The following DGKI variants were observed in gnomAD, a reference collection of about 807,000 sequenced individuals.
The protein encoded by DGKI is DAG kinase iota.
Under a neutral mutation model 147.5 loss-of-function variants are expected in DGKI, and 55 were observed. That is an observed-to-expected ratio of 0.37 (90% CI 0.30 to 0.47). The LOEUF is 0.47. Among genes scored for constraint, DGKI ranks in the 20% least tolerant of loss-of-function variants. The probability of loss-of-function intolerance (pLI) is 1.00; values close to 1 mark genes in which losing one functional copy is unlikely to be tolerated. For synonymous variants in DGKI, 469 were observed against 477.1 expected, an observed-to-expected ratio of 0.98 and a Z score of 0.22; for missense variants, 1,007 against 1,323.8, an observed-to-expected ratio of 0.76 and a Z score of 3.71.
intron 1 of DGKI, among the ~76,000 whole-genome samples, chr7:137,815,872 G>C (rs1797722802): frequency 6.6e-6 from 1 of 152,082 alleles, no homozygotes; most frequent in Admixed American, 6.6e-5. Context: ...TTTTCATTAT[G>C]GGTACCCTTT....
At position 137,775,196 on chromosome 7, in the gene DGKI, G is replaced by A. The variant is rs561146423; in HGVS notation, c.401+71266C>T. ...TATTAGTTCTTCTCATATAAGTGGG[G>A]AAATCCAGTCCAAAGATTAAGTCAC... On this transcript the variant is annotated intron_variant, in intron 1 of 32. Transcript: ENST00000614521. Among the ~76,000 whole-genome samples the A allele has an allele frequency of 1.8e-4, 28 of 152,086 alleles. No individual in the cohort carries two copies. The East Asian group carries it at 4.8e-3, about 26-fold the overall frequency.
At chr7:137,520,352 A>G (rs1312900412) in intron 21 of DGKI, among the ~76,000 whole-genome samples, 1 of 152,112 alleles carries the variant, frequency 6.6e-6, no homozygotes, top group Non-Finnish European at 1.5e-5. Context: ...TATGATTAGT[A>G]ACCTTTAGAA....
intron 12 of DGKI, among the ~76,000 whole-genome samples, chr7:137,594,178 C>G (rs10081292): frequency 6.6e-6 from 1 of 152,100 alleles, no homozygotes; most frequent in African/African-American, 2.4e-5. Flanking sequence ...TCCCAAGTAG[C>G]TGGGATTACA....
chr7:137,798,811 A>T (rs1797110321), intron 1 of DGKI, among the ~76,000 whole-genome samples: 1 of 152,206 alleles, frequency 6.6e-6, no homozygotes, highest in Non-Finnish European at 1.5e-5. Flanking sequence ...ATGATCAAGG[A>T]GATTTTACCC....
chr7:137,424,613 T>C (rs1269825135), intron 28 of DGKI, among the ~76,000 whole-genome samples: 3 of 151,868 alleles, frequency 2.0e-5, no homozygotes, highest in Non-Finnish European at 4.4e-5. Context: ...GCACAAGGGG[T>C]CAGGGAGTTC....
chr7:137,611,179 G>A (rs1820350769), intron 8 of DGKI, among the ~76,000 whole-genome samples: 1 of 152,168 alleles, frequency 6.6e-6, no homozygotes, highest in African/African-American at 2.4e-5. Context: ...GGGAAGAAAA[G>A]TGATTTGGAA....
At chr7:137,781,037 T>C (rs553890731) in intron 1 of DGKI, among the ~76,000 whole-genome samples, 5 of 152,352 alleles carry the variant, frequency 3.3e-5, no homozygotes, top group South Asian at 2.1e-4. Context: ...ACATCTGACA[T>C]CAGACATGAT....
intron 28 of DGKI, among the ~76,000 whole-genome samples, chr7:137,441,059 A>C (rs1191498166): frequency 1.3e-5 from 2 of 152,196 alleles, no homozygotes; most frequent in Non-Finnish European, 2.9e-5. Flanking sequence ...CATCACAGAT[A>C]AACTTGTGCT....
At chr7:137,521,707 C>G (rs1282342363) in intron 21 of DGKI, among the ~76,000 whole-genome samples, 159 bp downstream of exon 21, 1 of 152,126 alleles carries the variant, frequency 6.6e-6, no homozygotes, top group Non-Finnish European at 1.5e-5. Flanking sequence ...GTAGCCCATA[C>G]ATTATCACTT....
chr7:137,781,533 T>C (rs1402887175), intron 1 of DGKI, among the ~76,000 whole-genome samples: 2 of 152,078 alleles, frequency 1.3e-5, no homozygotes, highest in African/African-American at 4.8e-5. Flanking sequence ...GAGGCTAGCC[T>C]AGAGAAGAAA....
At chr7:137,516,566 A>C (rs1309087856) in intron 21 of DGKI, among the ~76,000 whole-genome samples, 2 of 152,044 alleles carry the variant, frequency 1.3e-5, no homozygotes, top group Non-Finnish European at 2.9e-5. Context: ...AAAAAGAAAA[A>C]AAGCTCCAGA....
chr7:137,381,594 A>AAATAT lies in DGKI; in HGVS notation c.*9621_*9625dup, dbSNP rs1811062357. On this transcript the variant is annotated 3_prime_UTR_variant, in exon 33 of 33. Transcript: ENST00000614521. Reference sequence around the variant, plus strand: ...TCCCACTCAGAAATCAAATTAAATCAAATATATTCATTCTTTTAGAACTGA... The same window carrying AAATAT: ...TCCCACTCAGAAATCAAATTAAATCAAATATAATATATTCATTCTTTTAGAACTGA... 1 of 151,868 alleles carries AAATAT rather than the reference A, an allele frequency of 6.6e-6. No individual in the cohort carries two copies. Among genetic ancestry groups the AAATAT allele is most frequent in the African/African-American group, 2.4e-5 (1 of 41,340 alleles). 9.4% of individuals were successfully genotyped at this position (151,868 alleles called of 1,614,324 possible).
chr7:137,577,135 A>T, intron 17 of DGKI, 87 bp downstream of exon 17: 8 of 891,730 alleles, frequency 9.0e-6, no homozygotes, highest in Non-Finnish European at 1.4e-5. Context: ...CAGTCCAGTG[A>T]TTCAATATAT....
At chr7:137,653,139 TGTGTGCGCGCGC>T (rs1167026186) in intron 5 of DGKI, among the ~76,000 whole-genome samples, 18 of 152,262 alleles carry the variant, frequency 1.2e-4, no homozygotes, top group Admixed American at 5.9e-4. Flanking sequence ...TGTGTGTGTG[TGTGTGCGCGCGC>T]GTGCGCGCAC....
chr7:137,411,767 T>G (rs549437565), intron 29 of DGKI, among the ~76,000 whole-genome samples: 1 of 152,170 alleles, frequency 6.6e-6, no homozygotes, highest in African/African-American at 2.4e-5. Context: ...TTTGACTAAC[T>G]ATGATCCCCA....
intron 1 of DGKI, among the ~76,000 whole-genome samples, chr7:137,813,147 G>T (rs1439470938): frequency 2.0e-5 from 3 of 152,160 alleles, no homozygotes; most frequent in African/African-American, 7.2e-5. Context: ...ACAGACTTAG[G>T]GGGACCAGGT....
At chr7:137,499,120 G>C (rs552046014) in intron 21 of DGKI, among the ~76,000 whole-genome samples, 16 of 152,276 alleles carry the variant, frequency 1.1e-4, no homozygotes, top group African/African-American at 3.1e-4. Context: ...CTGCTACTTA[G>C]TTTTTTCAAA....
rs981688138 is a variant in DGKI at position 137,493,863 on chromosome 7, T to C, written c.2249-6174A>G. 18 of 689,726 alleles carry C rather than the reference T, an allele frequency of 2.6e-5. No homozygotes were observed. In the African/African-American group the frequency reaches 2.8e-4, roughly 11 times the overall value. 42.7% of individuals were successfully genotyped at this position (689,726 alleles called of 1,614,324 possible). On this transcript the variant is annotated intron_variant, in intron 21 of 32. Coordinates refer to ENST00000614521, the MANE Select transcript of DGKI (RefSeq NM_001321708.2). ...TGAAATGACAGAAATAGAATCAGAATATGGACAGGAATGAAGATCATCGAG... is the reference window on the plus strand; with the variant it reads ...TGAAATGACAGAAATAGAATCAGAACATGGACAGGAATGAAGATCATCGAG...
At chr7:137,809,850 G>A (rs1797504952) in intron 1 of DGKI, among the ~76,000 whole-genome samples, 1 of 151,844 alleles carries the variant, frequency 6.6e-6, no homozygotes, top group South Asian at 2.1e-4. Flanking sequence ...GCTGCAGTGA[G>A]CCATGATCGC....
Sources: gnomAD v4.1 joint callset for allele counts (sites outside exome capture counted in the v4.1 genomes callset) on GRCh38, gnomAD v4.1.1 for gene constraint, MANE v1.5 for transcripts, NCBI Gene and HGNC (gene_info 2026-07-23, HGNC 2026-07-21) for gene names.